FAM98A: variants seen among roughly 807,000 people sequenced by gnomAD.
The protein encoded by FAM98A is tRNA splicing ligase complex subunit 3A, also known as protein FAM98A.
Under a neutral mutation model 62.9 loss-of-function variants are expected in FAM98A, and 25 were observed. The observed-to-expected ratio is 0.40, with a 90% CI of 0.29 to 0.56. The LOEUF (loss-of-function observed/expected upper bound fraction) is 0.56. Among genes scored for constraint, FAM98A ranks in the 20% least tolerant of loss-of-function variants. The probability of loss-of-function intolerance (pLI) is 0.51; values close to 1 mark genes in which losing one functional copy is unlikely to be tolerated. For missense variants in FAM98A, 653 were observed against 640.7 expected (o/e 1.02, Z -0.21); for synonymous variants, 252 against 228.6 (o/e 1.10, Z -0.92).
intron 5 of FAM98A, 35 bp from the exon 6 acceptor site, chr2:33,586,713 A>C (rs1360421941): frequency 7.3e-7 from 1 of 1,362,774 alleles, no homozygotes; most frequent in Non-Finnish European, 1.0e-6. Context: ...TTAGAGTTTA[A>C]ATCTGCTTGA....
In FAM98A at chr2:33,592,169, A is replaced by G. The variant is rs1395121718; in HGVS notation, c.248T>C (p.Leu83Pro). 2 of 1,613,116 alleles carry G rather than the reference A, an allele frequency of 1.2e-6. No individual in the cohort carries two copies. Among genetic ancestry groups the G allele is most frequent in the Non-Finnish European group, 1.7e-6 (2 of 1,179,212 alleles). Residue 83 changes from leucine (L) to proline (P), a missense_variant, in exon 3 of 8, where the codon CTA becomes CCA. Transcript: ENST00000238823. ...EEFQLEVSGL[L>P]GEMNCPYLSL... ...AAGATACGGGCAGTTCATCTCCCCTAGTAGCCCACTCACCTCAAGCTGGAA... is the reference window on the plus strand; with the variant it reads ...AAGATACGGGCAGTTCATCTCCCCTGGTAGCCCACTCACCTCAAGCTGGAA...
intron 2 of FAM98A, among the ~76,000 whole-genome samples, chr2:33,592,471 T>A (rs1406603597): frequency 2.0e-5 from 3 of 152,088 alleles, no homozygotes; most frequent in African/African-American, 7.2e-5. Flanking sequence ...GCTTGAAGGA[T>A]CCTCCTGTTT....
intron 4 of FAM98A, 56 bp downstream of exon 4, chr2:33,588,279 A>T: frequency 2.3e-6 from 3 of 1,330,056 alleles, no homozygotes; most frequent in Non-Finnish European, 3.1e-6. Flanking sequence ...GCTTCATTTC[A>T]AACAAATGTA....
At chr2:33,585,984 TC>T in intron 6 of FAM98A, among the ~76,000 whole-genome samples, 1 of 152,274 alleles carries the variant, frequency 6.6e-6, no homozygotes, top group South Asian at 2.1e-4. Flanking sequence ...ATAAAAAGGT[TC>T]CCCCATCATT....
chr2:33,594,576 TACACACAC>T (rs71409635), intron 2 of FAM98A, among the ~76,000 whole-genome samples: 1 of 57,242 alleles, frequency 1.7e-5, no homozygotes, highest in Non-Finnish European at 3.0e-5. Context: ...TATATATATA[TACACACAC>T]ACACACACAC....
intron 3 of FAM98A, among the ~76,000 whole-genome samples, chr2:33,590,541 T>C (rs1677647852): frequency 1.3e-5 from 2 of 152,140 alleles, no homozygotes; most frequent in Non-Finnish European, 2.9e-5. Context: ...GAGAATATTT[T>C]AGAAAGGGAG....
intron 1 of FAM98A, among the ~76,000 whole-genome samples, chr2:33,598,324 T>A (rs1558552053): frequency 6.6e-6 from 1 of 152,250 alleles, no homozygotes; most frequent in East Asian, 1.9e-4. Flanking sequence ...TAGGTAAGTA[T>A]CTAACCATAC....
chr2:33,592,490 G>A (rs1417001874), intron 2 of FAM98A, among the ~76,000 whole-genome samples: 5 of 151,932 alleles, frequency 3.3e-5, no homozygotes, highest in Non-Finnish European at 7.4e-5. Flanking sequence ...TTAAGTCTCC[G>A]GAATAGCTGG....
chr2:33,597,019 T>A (rs1474556712), intron 1 of FAM98A, among the ~76,000 whole-genome samples: 1 of 151,188 alleles, frequency 6.6e-6, no homozygotes, highest in African/African-American at 2.4e-5. Flanking sequence ...TGAAAACAAA[T>A]CATACATAAA....
chr2:33,596,514 A>G (rs560308516), intron 1 of FAM98A, among the ~76,000 whole-genome samples: 16 of 152,366 alleles, frequency 1.1e-4, no homozygotes, highest in African/African-American at 3.1e-4. Context: ...AATCTTAAAT[A>G]CATATTATTC....
At chr2:33,592,333 T>G (rs1677689908) in intron 2 of FAM98A, 119 bp from the exon 3 acceptor site, 5 of 825,792 alleles carry the variant, frequency 6.1e-6, no homozygotes, top group Non-Finnish European at 9.2e-6. Context: ...TTTTTCCCCT[T>G]CTAATTTATC....
chr2:33,599,261 CT>C lies in FAM98A; in HGVS notation c.-41del. 1 of 1,568,652 alleles carries C rather than the reference CT, an allele frequency of 6.4e-7. No homozygotes were observed. The highest frequency in any genetic ancestry group is 1.1e-5 in the South Asian group (1 of 90,156). The stretch of plus-strand genomic sequence containing the variant: ...CAAATTTCCGAGTCGTCAGGCTCCC[CT>C]CTTCGCCGGCAACGCGTACACTCGC... On this transcript the variant is annotated 5_prime_UTR_variant, in exon 1 of 8. It removes the in-frame stop codon of an upstream open reading frame in the 5' UTR. Coordinates refer to ENST00000238823, the MANE Select transcript of FAM98A (RefSeq NM_015475.5).
intron 1 of FAM98A, among the ~76,000 whole-genome samples, chr2:33,597,452 T>C (rs1236716984): frequency 6.6e-6 from 1 of 152,156 alleles, no homozygotes; most frequent in African/African-American, 2.4e-5. Flanking sequence ...AACTAAGTAG[T>C]TAAGGTTAAA....
chr2:33,586,807 C>T, intron 5 of FAM98A, 129 bp from the exon 6 acceptor site: 1 of 627,458 alleles, frequency 1.6e-6, no homozygotes, highest in Non-Finnish European at 2.8e-6. Context: ...AGTTCTTATT[C>T]CATATAATAT....
chr2:33,597,594 GAAAA>G, intron 1 of FAM98A, among the ~76,000 whole-genome samples: 1 of 150,036 alleles, frequency 6.7e-6, no homozygotes, highest in East Asian at 2.0e-4. Flanking sequence ...AAAGGAGGGG[GAAAA>G]AAAAAGACAA....
Position 33,599,238 on chromosome 2 carries a change from A to C in FAM98A, c.-17T>G. On this transcript the variant is annotated 5_prime_UTR_variant, in exon 1 of 8. In the 5' UTR this introduces an upstream ATG that the reference lacks. Transcript: ENST00000238823. Reference sequence around the variant, plus strand: ...ACACTCCATGCTACTGTGGTATTCAAATTTCCGAGTCGTCAGGCTCCCCTC... The same window carrying C: ...ACACTCCATGCTACTGTGGTATTCACATTTCCGAGTCGTCAGGCTCCCCTC... 1.9e-6 allele frequency: 3 copies of C among 1,611,724 alleles called. No individual in the cohort carries two copies. The highest frequency in any genetic ancestry group is 2.5e-6 in the Non-Finnish European group (3 of 1,177,828).
intron 3 of FAM98A, chr2:33,589,427 G>A (rs1315227746): frequency 6.6e-6 from 1 of 152,142 alleles, no homozygotes; most frequent in Non-Finnish European, 1.5e-5. Flanking sequence ...AGATTCTTCT[G>A]ACAATATAAC....
chr2:33,585,004 C>T lies in FAM98A; in HGVS notation c.1329G>A (p.Gln443=), dbSNP rs1177053144. 1 of 1,614,106 alleles carries T rather than the reference C, an allele frequency of 6.2e-7. No individual in the cohort carries two copies. Among genetic ancestry groups the T allele is most frequent in the South Asian group, 1.1e-5 (1 of 91,080 alleles). ...TGSGYQGGGY[Q]QDNRYQDGGH... ...CGCCATCTTGGTATCTATTGTCCTG[C>T]TGGTAGCCACCACCCTGGTATCCAC... The change falls in exon 8 of 8, where the codon CAG becomes CAA. Residue 443 remains glutamine, a synonymous_variant. Coordinates refer to ENST00000238823, the MANE Select transcript of FAM98A (RefSeq NM_015475.5).
At position 33,599,276 on chromosome 2, in the gene FAM98A, GCGTACAC is replaced by G; in HGVS notation, c.-62_-56del. The G allele has an allele frequency of 7.0e-7, 1 of 1,433,358 alleles. No homozygotes were observed. Among genetic ancestry groups the G allele is most frequent in the Non-Finnish European group, 9.9e-7 (1 of 1,014,858 alleles). 88.8% of individuals were successfully genotyped at this position (1,433,358 alleles called of 1,614,324 possible). ...TCAGGCTCCCCTCTTCGCCGGCAAC[GCGTACAC>G]TCGCGCATGCGCGACTTCCCCGGAA... On this transcript the variant is annotated 5_prime_UTR_variant, in exon 1 of 8. An upstream open reading frame in the 5' UTR loses its in-frame stop. Transcript: ENST00000238823.
Sources: gnomAD v4.1 joint callset for allele counts (sites outside exome capture counted in the v4.1 genomes callset) on GRCh38, gnomAD v4.1.1 for gene constraint, MANE v1.5 for transcripts, NCBI Gene and HGNC (gene_info 2026-07-23, HGNC 2026-07-21) for gene names.